The following RALGDS variants were observed in gnomAD, a reference collection of about 807,000 sequenced individuals.
The protein encoded by RALGDS is ral guanine nucleotide dissociation stimulator, also known as ral guanine nucleotide exchange factor.
RALGDS carries 44 observed loss-of-function variants against 99.8 expected under a neutral mutation model. The ratio of observed to expected loss-of-function variants is 0.44; its 90% CI spans 0.35 to 0.57. RALGDS has a LOEUF of 0.57. RALGDS is among the 20% of genes least tolerant of loss of function. The probability of loss-of-function intolerance (pLI) is 0.01; values close to 1 mark genes in which losing one functional copy is unlikely to be tolerated. For missense variants in RALGDS, 1,022 were observed against 1,203.1 expected (o/e 0.85, Z 2.23); for synonymous variants, 529 against 505.0 (o/e 1.05, Z -0.64).
At chr9:133,143,789 T>TAACAAC (rs1325784595) in intron 1 of RALGDS, among the ~76,000 whole-genome samples, 3 of 114,706 alleles carry the variant, frequency 2.6e-5, no homozygotes, top group African/African-American at 7.2e-5. Flanking sequence ...ACAACAACAA[T>TAACAAC]AATAATAATA....
At chr9:133,141,283 C>T (rs1286162669) in intron 1 of RALGDS, among the ~76,000 whole-genome samples, 1 of 152,194 alleles carries the variant, frequency 6.6e-6, no homozygotes, top group African/African-American at 2.4e-5. Context: ...CAGTGTGGCC[C>T]CACCTGCCTT....
At position 133,144,559 on chromosome 9, in the gene RALGDS, C is replaced by T. The variant is rs1272513071; in HGVS notation, c.18+4404G>A. 2.0e-5 allele frequency among the ~76,000 whole-genome samples: 3 copies of T among 152,220 alleles called. No individual in the cohort carries two copies. The highest frequency in any genetic ancestry group is 4.8e-5 in the African/African-American group (2 of 41,462). The stretch of plus-strand genomic sequence containing the variant: ...AGCGAGACCTTTGTCTGCGGCAGCT[C>T]CGCGCCGGGCTGGGCGGCCGCACGG... On this transcript the variant is annotated intron_variant, in intron 1 of 17. Transcript: ENST00000393160. This position sits in a 1 kb window ranked among gnomAD's most constrained non-coding sequence, Gnocchi z 4.5.
At chr9:133,118,162 G>A (rs1464920773) in intron 1 of RALGDS, among the ~76,000 whole-genome samples, 1 of 152,218 alleles carries the variant, frequency 6.6e-6, no homozygotes, top group Admixed American at 6.5e-5. Context: ...CCCCTTCAGA[G>A]TCACCCAGGA....
At chr9:133,100,512 C>A in intron 16 of RALGDS, 130 bp from the exon 17 acceptor site, 1 of 1,570,526 alleles carries the variant, frequency 6.4e-7, no homozygotes, top group South Asian at 1.1e-5. Context: ...TGGCCAGGTG[C>A]TGGGTCCGGA....
At chr9:133,119,095 A>AAGCCCAGATGTGAGGAGATCTGGC (rs1831767787) in intron 1 of RALGDS, among the ~76,000 whole-genome samples, 1 of 152,232 alleles carries the variant, frequency 6.6e-6, no homozygotes, top group Non-Finnish European at 1.5e-5. Context: ...AGATAAGCGG[A>AAGCCCAGATGTGAGGAGATCTGGC]AGCCCAGATG....
chr9:133,115,904 G>A (rs1278489378), intron 1 of RALGDS, among the ~76,000 whole-genome samples: 2 of 152,232 alleles, frequency 1.3e-5, no homozygotes, highest in East Asian at 1.9e-4. Flanking sequence ...GAAGCCAAAC[G>A]TAAAACGCAT....
In RALGDS at chr9:133,103,253, T is replaced by C; in HGVS notation, c.1768A>G (p.Ile590Val). ...ACCTTCCTCCTCTTCTCAAAGTTGATGAGTCTGCCCTGGAAGGTGGACACC... is the reference window on the plus strand; with the variant it reads ...ACCTTCCTCCTCTTCTCAAAGTTGACGAGTCTGCCCTGGAAGGTGGACACC... ...AMKDYLYGRL[I>V]NFEKRRKEFE... is the part of the protein sequence containing the mutation. The change falls in exon 12 of 18, where the codon ATC becomes GTC. Residue 590 changes from isoleucine to valine, a missense_variant. Transcript: ENST00000372050. The C allele has an allele frequency of 6.2e-7, 1 of 1,613,860 alleles. No individual in the cohort carries two copies. Among genetic ancestry groups the C allele is most frequent in the Non-Finnish European group, 8.5e-7 (1 of 1,179,932 alleles).
intron 1 of RALGDS, among the ~76,000 whole-genome samples, chr9:133,139,647 T>C (rs1832487197): frequency 6.6e-6 from 1 of 152,052 alleles, no homozygotes; most frequent in South Asian, 2.1e-4. Flanking sequence ...CTCGGGGCCG[T>C]AGTTCCCCTA....
At chr9:133,110,515 ACAGT>A (rs1381926426) in intron 2 of RALGDS, 26 bp from the exon 3 acceptor site, 6 of 1,581,690 alleles carry the variant, frequency 3.8e-6, no homozygotes, top group African/African-American at 1.3e-5. Context: ...GGAGGGACAG[ACAGT>A]CAGTGGCAGC....
chr9:133,116,984 G>A (rs1036867710), intron 1 of RALGDS, among the ~76,000 whole-genome samples: 2 of 152,208 alleles, frequency 1.3e-5, no homozygotes, highest in Admixed American at 6.5e-5. Context: ...AGGGTGGCAG[G>A]GCCAGCTTTC....
intron 1 of RALGDS, among the ~76,000 whole-genome samples, chr9:133,116,162 C>T (rs1364931910): frequency 2.6e-5 from 4 of 152,228 alleles, no homozygotes; most frequent in African/African-American, 7.2e-5. Context: ...CTCCTGCCCT[C>T]GGGCCTGCCC....
chr9:133,140,633 T>C (rs948755233), intron 1 of RALGDS, among the ~76,000 whole-genome samples: 7 of 151,092 alleles, frequency 4.6e-5, no homozygotes, highest in Non-Finnish European at 8.9e-5. Flanking sequence ...CAGTTAATTA[T>C]GTGCCCACCA....
At chr9:133,115,221 C>A (rs541252913) in intron 1 of RALGDS, among the ~76,000 whole-genome samples, 3 of 152,228 alleles carry the variant, frequency 2.0e-5, no homozygotes, top group Non-Finnish European at 2.9e-5. Context: ...CGGACTCAGA[C>A]GCCTTTCCTT....
chr9:133,134,013 T>C (rs566423452), upstream of RALGDS, among the ~76,000 whole-genome samples: 3 of 152,334 alleles, frequency 2.0e-5, no homozygotes, highest in South Asian at 6.2e-4. Flanking sequence ...TGCTCCTCTT[T>C]CCTGCTGCTA....
upstream of RALGDS, among the ~76,000 whole-genome samples, chr9:133,131,742 A>G (rs961492176): frequency 3.9e-5 from 6 of 152,148 alleles, no homozygotes; most frequent in Non-Finnish European, 5.9e-5. Context: ...GGAACAGTAG[A>G]GCCAACCAGG....
At chr9:133,107,864 T>G in intron 6 of RALGDS, 124 bp downstream of exon 6, 1 of 1,265,270 alleles carries the variant, frequency 7.9e-7, no homozygotes, top group Non-Finnish European at 1.1e-6. Context: ...GGTTACTTGG[T>G]GTGTAGCAGC....
At chr9:133,123,227 A>G (rs1311918618), upstream of RALGDS, among the ~76,000 whole-genome samples, 1 of 152,084 alleles carries the variant, frequency 6.6e-6, no homozygotes, top group African/African-American at 2.4e-5. Context: ...CCAAGCTCCC[A>G]ATGCCTCCGG....
rs757194753 is a variant in RALGDS at position 133,102,030 on chromosome 9, G to A, written c.2119C>T (p.Leu707Phe). The part of the protein sequence containing the change: ...YLSSGDIADA[L>F]SVHSAGSSSS... ...GAGGAGCCGGCCGAGTGCACGCTGA[G>A]CGCGTCAGCGATGTCCCCGCTGCTG... Residue 707 changes from leucine to phenylalanine, a missense_variant, in exon 15 of 18, where the codon CTC becomes TTC. Transcript: ENST00000372050. The A allele has an allele frequency of 1.3e-6, 2 of 1,555,554 alleles. No homozygotes were observed. Among genetic ancestry groups the A allele is most frequent in the South Asian group, 2.4e-5 (2 of 84,344 alleles).
intron 4 of RALGDS, 69 bp from the exon 5 acceptor site, chr9:133,108,935 C>G: frequency 6.8e-7 from 1 of 1,461,530 alleles, no homozygotes; most frequent in East Asian, 2.4e-5. Flanking sequence ...GCTCCTGAGC[C>G]GGCCCCTGTC....
Sources: allele counts gnomAD v4.1 joint callset (sites outside exome capture counted in the v4.1 genomes callset), GRCh38; gene constraint gnomAD v4.1.1; non-coding constraint Gnocchi (gnomAD v3.1); transcripts MANE v1.5; gene names NCBI Gene and HGNC (gene_info 2026-07-23, HGNC 2026-07-21).